Variants in RTTN observed in about 807,000 individuals in gnomAD.
RTTN encodes the protein rotatin.
A neutral mutation model predicts 269.2 loss-of-function variants in RTTN; 182 were observed. The ratio of observed to expected loss-of-function variants is 0.68; its 90% confidence interval spans 0.60 to 0.76. The LOEUF (loss-of-function observed/expected upper bound fraction) is 0.76. Among genes scored for constraint, RTTN ranks in the 30% least tolerant of loss-of-function variants. The probability of loss-of-function intolerance (pLI) is 0.00; values close to 1 mark genes in which losing one functional copy is unlikely to be tolerated. For synonymous variants in RTTN, 1,006 were observed against 963.5 expected (o/e 1.04, Z -0.82); for missense variants, 2,545 against 2,608.6 (o/e 0.98, Z 0.53).
At chr18:70,182,826 A>G (rs189448904) in intron 10 of RTTN, among the ~76,000 whole-genome samples, 24 of 152,304 alleles carry the variant, frequency 1.6e-4, no homozygotes, top group African/African-American at 5.3e-4. Context: ...TACAAAAAAA[A>G]CAAAATTTAA....
In RTTN at chr18:70,176,751, A is replaced by G. The variant is rs1356497075; in HGVS notation, c.1400T>C (p.Val467Ala). The change falls in exon 11 of 49, where the codon GTG becomes GCG. Residue 467 changes from valine to alanine, a missense_variant. Val to Ala is a moderately conservative substitution (Grantham distance 64). Coordinates refer to ENST00000640769, the MANE Select transcript of RTTN (RefSeq NM_173630.4). ...GCTGATAAAGGCCATTCTGTGGTGC[A>G]CAAGCATCACCTCTGGCTGCTCCAA... Reference protein sequence around the residue: ...ISLEQPEVMLVHHRMAFISIS... With the variant: ...ISLEQPEVMLAHHRMAFISIS... 2.5e-6 allele frequency: 4 copies of G among 1,613,978 alleles called. No individual in the cohort carries two copies. The African/African-American group carries it at 4.0e-5, about 16-fold the overall frequency.
At chr18:70,199,376 G>A (rs369251133) in intron 5 of RTTN, 38 bp downstream of exon 5, 5 of 1,408,722 alleles carry the variant, frequency 3.5e-6, no homozygotes, top group Non-Finnish European at 5.0e-6. Context: ...ATGACTATAA[G>A]TGAACAAAAA....
chr18:70,177,465 C>T (rs967882549), intron 10 of RTTN, among the ~76,000 whole-genome samples: 1 of 152,092 alleles, frequency 6.6e-6, no homozygotes. Context: ...GAAATCATAT[C>T]TTTTAAACTA....
At chr18:70,073,239 A>G (rs1017083602) in intron 34 of RTTN, among the ~76,000 whole-genome samples, 3 of 152,152 alleles carry the variant, frequency 2.0e-5, no homozygotes, top group Non-Finnish European at 4.4e-5. Context: ...CCTAGTATCA[A>G]TCATTCCTTA....
At chr18:70,116,199 C>T (rs1327986936) in intron 26 of RTTN, among the ~76,000 whole-genome samples, 1 of 151,912 alleles carries the variant, frequency 6.6e-6, no homozygotes, top group Non-Finnish European at 1.5e-5. Context: ...CCCAAAACTA[C>T]TGACAAAATG....
intron 10 of RTTN, among the ~76,000 whole-genome samples, chr18:70,186,097 CTG>C: frequency 7.3e-6 from 1 of 137,012 alleles, no homozygotes; most frequent in South Asian, 2.2e-4. Flanking sequence ...AAAAAAAAAA[CTG>C]AACATAATAG....
intron 32 of RTTN, among the ~76,000 whole-genome samples, chr18:70,085,347 GT>G (rs928301820): frequency 6.6e-6 from 1 of 152,130 alleles, no homozygotes; most frequent in Non-Finnish European, 1.5e-5. Context: ...GTTACCCTGG[GT>G]TTGTAAAGTT....
Position 70,086,608 on chromosome 18 carries a change from C to A in RTTN, c.4374+5G>T. 1 of 1,563,766 alleles carries A rather than the reference C, an allele frequency of 6.4e-7. No individual in the cohort carries two copies. The highest frequency in any genetic ancestry group is 8.7e-7 in the Non-Finnish European group (1 of 1,152,738). On this transcript the variant is annotated splice_donor_5th_base_variant and intron_variant, in intron 32 of 48. Coordinates refer to ENST00000640769, the MANE Select transcript of RTTN (RefSeq NM_173630.4). Reference sequence around the variant, plus strand: ...CTAGGTTGATAATTGTTTAAAATCACCCACCTGCCAAGTATAATCCTTTAT... The same window carrying A: ...CTAGGTTGATAATTGTTTAAAATCAACCACCTGCCAAGTATAATCCTTTAT...
At chr18:70,030,772 A>G in intron 41 of RTTN, 104 bp downstream of exon 41, 1 of 796,380 alleles carries the variant, frequency 1.3e-6, no homozygotes, top group Non-Finnish European at 2.0e-6. Flanking sequence ...AGATTATACT[A>G]TACGTTTTTT....
intron 46 of RTTN, among the ~76,000 whole-genome samples, chr18:70,014,701 T>C (rs1011455472): frequency 2.6e-5 from 4 of 152,166 alleles, no homozygotes; most frequent in African/African-American, 7.2e-5. Context: ...GTCTCCTTCA[T>C]GAAGTTTGGG....
intron 28 of RTTN, among the ~76,000 whole-genome samples, chr18:70,098,731 T>C (rs1007006874): frequency 1.3e-5 from 2 of 152,148 alleles, no homozygotes; most frequent in Non-Finnish European, 2.9e-5. Context: ...GCCATGTTGG[T>C]GTGCTGCACC....
At chr18:70,031,737 T>C (rs1235078257) in intron 40 of RTTN, among the ~76,000 whole-genome samples, 1 of 148,692 alleles carries the variant, frequency 6.7e-6, no homozygotes, top group East Asian at 1.9e-4. Flanking sequence ...CATCTCCCAC[T>C]GAGGGACTGG....
intron 8 of RTTN, among the ~76,000 whole-genome samples, chr18:70,192,151 C>T (rs2061686840): frequency 6.6e-6 from 1 of 152,132 alleles, no homozygotes; most frequent in African/African-American, 2.4e-5. Flanking sequence ...ATGCAAAGCA[C>T]AGGGCATAAC....
chr18:70,052,240 T>C (rs989110942), intron 38 of RTTN, among the ~76,000 whole-genome samples: 2 of 152,130 alleles, frequency 1.3e-5, no homozygotes, highest in East Asian at 1.9e-4. Flanking sequence ...ATGTAAACTT[T>C]ATAGGACGTT....
chr18:70,132,437 T>C (rs2060021185), intron 23 of RTTN, among the ~76,000 whole-genome samples: 1 of 151,880 alleles, frequency 6.6e-6, no homozygotes, highest in Admixed American at 6.6e-5. Flanking sequence ...AGAATTAAAA[T>C]CATAGAAAAT....
chr18:70,060,351 C>T (rs2057945183), intron 35 of RTTN, among the ~76,000 whole-genome samples: 1 of 152,102 alleles, frequency 6.6e-6, no homozygotes, highest in African/African-American at 2.4e-5. Flanking sequence ...ACACTGAGAA[C>T]AAAAAGATGA....
At chr18:70,182,233 C>T (rs1040415999) in intron 10 of RTTN, among the ~76,000 whole-genome samples, 1 of 151,858 alleles carries the variant, frequency 6.6e-6, no homozygotes, top group African/African-American at 2.4e-5. Context: ...TTAAGAGGCT[C>T]GTGTTATGAA....
chr18:70,135,662 TAA>T (rs200141413), intron 21 of RTTN, among the ~76,000 whole-genome samples: 12 of 152,204 alleles, frequency 7.9e-5, no homozygotes, highest in African/African-American at 2.9e-4. Flanking sequence ...TAATTCTAGC[TAA>T]AGTTTCCTCA....
At chr18:70,154,056 A>T (rs1465100730) in intron 14 of RTTN, among the ~76,000 whole-genome samples, 1 of 152,174 alleles carries the variant, frequency 6.6e-6, no homozygotes, top group Admixed American at 6.5e-5. Flanking sequence ...AGTTTTAACA[A>T]AAAATATTCT....
Sources: allele counts gnomAD v4.1 joint callset (sites outside exome capture counted in the v4.1 genomes callset), GRCh38; gene constraint gnomAD v4.1.1; transcripts MANE v1.5; gene names NCBI Gene and HGNC (gene_info 2026-07-23, HGNC 2026-07-21).